TRMT11: variants seen among roughly 807,000 people sequenced by gnomAD.
The protein encoded by TRMT11 is tRNA (guanine(10)-N(2))-methyltransferase TRMT11.
A neutral mutation model predicts 62.8 loss-of-function variants in TRMT11; 53 were observed. The observed-to-expected ratio is 0.84, with a 90% confidence interval of 0.68 to 1.06. TRMT11 has a LOEUF of 1.06. TRMT11 is among the 50% of genes least tolerant of loss of function. The probability of loss-of-function intolerance (pLI) is 0.00; values close to 1 mark genes in which losing one functional copy is unlikely to be tolerated. For synonymous variants in TRMT11, 188 were observed against 190.3 expected (o/e 0.99, Z 0.10); for missense variants, 556 against 553.4 (o/e 1.00, Z -0.05).
At chr6:126,101,515 A>G (rs914572347) in intron 17 of TRMT11, among the ~76,000 whole-genome samples, 2 of 152,234 alleles carry the variant, frequency 1.3e-5, no homozygotes, top group Non-Finnish European at 2.9e-5. Flanking sequence ...TTGCCCAAGG[A>G]CACACAGCTG....
the TRMT11 span, among the ~76,000 whole-genome samples, chr6:126,215,999 G>A: frequency 6.6e-6 from 1 of 151,940 alleles, no homozygotes; most frequent in South Asian, 2.1e-4. Context: ...TTCTACTCAA[G>A]ACATGAGTAG....
In TRMT11 at chr6:126,012,947, G is replaced by A. The variant is rs373741327; in HGVS notation, c.1008-23G>A. The A allele has an allele frequency of 1.9e-6, 3 of 1,607,816 alleles. No homozygotes were observed. In the African/African-American group the frequency reaches 4.0e-5, roughly 22 times the overall value. The stretch of plus-strand genomic sequence containing the variant: ...ACTCTTAAAATTTTTCACTGATTTT[G>A]AAATTTTCTTTTCTTTGTGTAGTCC... On this transcript the variant is annotated intron_variant, in intron 10 of 12. Transcript: ENST00000334379.
At chr6:126,264,232 A>G in the TRMT11 span, among the ~76,000 whole-genome samples, 1 of 152,148 alleles carries the variant, frequency 6.6e-6, no homozygotes, top group Non-Finnish European at 1.5e-5. Context: ...CAATTCTGTG[A>G]GGAGAACATA....
At chr6:126,042,394 T>C (rs576472499), downstream of TRMT11, among the ~76,000 whole-genome samples, 3 of 152,252 alleles carry the variant, frequency 2.0e-5, no homozygotes, top group South Asian at 6.2e-4. Flanking sequence ...TAGACAGGGC[T>C]CTTTGGGGGA....
intron 17 of TRMT11, among the ~76,000 whole-genome samples, chr6:126,084,230 T>A (rs1023111568): frequency 1.3e-5 from 2 of 152,160 alleles, no homozygotes; most frequent in Non-Finnish European, 2.9e-5. Flanking sequence ...GAGTTCCCTT[T>A]TTTCCAAACC....
chr6:126,002,681 A>G (rs1792709825), intron 7 of TRMT11, among the ~76,000 whole-genome samples: 1 of 152,070 alleles, frequency 6.6e-6, no homozygotes, highest in Admixed American at 6.6e-5. Flanking sequence ...AAATATGTAT[A>G]AGATGAACTT....
At chr6:126,266,503 T>G in the TRMT11 span, among the ~76,000 whole-genome samples, 1 of 152,212 alleles carries the variant, frequency 6.6e-6, no homozygotes, top group African/African-American at 2.4e-5. Context: ...TCTGTCTTTC[T>G]TTCTTTGATG....
chr6:126,206,381 A>AT (rs1778792461), downstream of TRMT11, among the ~76,000 whole-genome samples: 2 of 152,128 alleles, frequency 1.3e-5, no homozygotes, highest in Admixed American at 1.3e-4. Context: ...GGGGCCACAG[A>AT]TTCTGTATTT....
At chr6:126,163,479 A>G (rs900779323) in intron 21 of TRMT11, among the ~76,000 whole-genome samples, 2 of 152,132 alleles carry the variant, frequency 1.3e-5, no homozygotes, top group Non-Finnish European at 2.9e-5. Flanking sequence ...GGATTTTTGT[A>G]TCAATGTTCC....
At chr6:126,148,364 T>A (rs1238772988) in intron 21 of TRMT11, among the ~76,000 whole-genome samples, 1 of 152,230 alleles carries the variant, frequency 6.6e-6, no homozygotes, top group African/African-American at 2.4e-5. Context: ...TAGGGGCAGT[T>A]TATGTGATTT....
chr6:126,122,956 T>A (rs1368380094), intron 21 of TRMT11, among the ~76,000 whole-genome samples: 2 of 152,124 alleles, frequency 1.3e-5, no homozygotes, highest in African/African-American at 2.4e-5. Context: ...TGTGAACCTC[T>A]TAAATAATTA....
In TRMT11 at chr6:125,998,239, C is replaced by T. The variant is rs1244358920; in HGVS notation, c.311C>T (p.Ser104Leu). The stretch of plus-strand genomic sequence containing the variant: ...TTATTTTAGGTTCCATTTCTACATT[C>T]GGACTCTACATATAAAATAAAGATT... Reference protein sequence around the residue: ...PVEKMVPFLHSDSTYKIKIHT... With the variant: ...PVEKMVPFLHLDSTYKIKIHT... The change falls in exon 5 of 13, where the codon TCG becomes TTG. Residue 104 changes from serine (S) to leucine (L), a missense_variant. Coordinates refer to ENST00000334379, the MANE Select transcript of TRMT11 (RefSeq NM_001031712.3). 7.5e-6 allele frequency: 12 copies of T among 1,600,138 alleles called. No individual in the cohort carries two copies. The highest frequency in any genetic ancestry group is 5.0e-5 in the Admixed American group (3 of 59,722).
chr6:126,142,019 A>C (rs117873663), intron 21 of TRMT11, among the ~76,000 whole-genome samples: 50 of 152,088 alleles, frequency 3.3e-4, no homozygotes, highest in African/African-American at 1.0e-3. Context: ...TTAAGTGGCT[A>C]GAGGTTTGTG....
chr6:126,233,251 T>G, the TRMT11 span, among the ~76,000 whole-genome samples: 1 of 152,204 alleles, frequency 6.6e-6, no homozygotes, highest in East Asian at 1.9e-4. Context: ...ATACCCCAAA[T>G]AGTAGCAATA....
chr6:126,093,598 TA>T (rs1777300641), intron 17 of TRMT11, among the ~76,000 whole-genome samples: 2 of 73,784 alleles, frequency 2.7e-5, no homozygotes, highest in African/African-American at 1.9e-4. Context: ...TATATATATA[TA>T]TATATATATA....
At chr6:125,995,496 T>C (rs1047526613) in intron 2 of TRMT11, among the ~76,000 whole-genome samples, 4 of 152,232 alleles carry the variant, frequency 2.6e-5, no homozygotes, top group African/African-American at 7.2e-5. Flanking sequence ...TTTAATAATG[T>C]ACCTCATGAT....
intron 1 of TRMT11, among the ~76,000 whole-genome samples, chr6:126,183,123 C>T (rs1237980365): frequency 6.6e-6 from 1 of 152,116 alleles, no homozygotes; most frequent in Non-Finnish European, 1.5e-5. Context: ...GGTAAGATGA[C>T]TTATTTTGAA....
intron 21 of TRMT11, among the ~76,000 whole-genome samples, chr6:126,170,930 G>A (rs1156326785): frequency 1.3e-5 from 2 of 152,106 alleles, no homozygotes; most frequent in African/African-American, 4.8e-5. Context: ...TGCCTTAGAG[G>A]TCCCTCCTCA....
chr6:126,057,078 A>G (rs944225270), intron 17 of TRMT11, among the ~76,000 whole-genome samples: 5 of 152,194 alleles, frequency 3.3e-5, no homozygotes, highest in Non-Finnish European at 5.9e-5. Context: ...TTAAGTGACA[A>G]TTATTTATTT....
Sources: gnomAD v4.1 joint callset for allele counts (sites outside exome capture counted in the v4.1 genomes callset) on GRCh38, gnomAD v4.1.1 for gene constraint, MANE v1.5 for transcripts, NCBI Gene and HGNC (gene_info 2026-07-23, HGNC 2026-07-21) for gene names.